UBE4A: variants seen among roughly 807,000 people sequenced by gnomAD.
The protein encoded by UBE4A is ubiquitination factor E4A, also known as ubiquitin conjugation factor E4 A.
A neutral mutation model predicts 117.9 loss-of-function variants in UBE4A; 48 were observed. The ratio of observed to expected loss-of-function variants is 0.41; its 90% CI spans 0.32 to 0.52. The LOEUF is 0.52. Ranked by LOEUF, UBE4A falls within the 20% of genes least tolerant of loss-of-function variation. The probability of loss-of-function intolerance (pLI) is 0.33; values close to 1 mark genes in which losing one functional copy is unlikely to be tolerated. For missense variants in UBE4A, 1,067 were observed against 1,296.3 expected (o/e 0.82, Z 2.72); for synonymous variants, 407 against 450.0 (o/e 0.90, Z 1.21).
intron 16 of UBE4A, among the ~76,000 whole-genome samples, chr11:118,389,140 TTA>T (rs1776252273): frequency 3.9e-5 from 6 of 152,152 alleles, no homozygotes; most frequent in African/African-American, 1.4e-4. Flanking sequence ...TTTAAAAAGA[TTA>T]TGTGAATCAC....
intron 1 of UBE4A, among the ~76,000 whole-genome samples, chr11:118,362,875 G>A (rs1948531358): frequency 6.6e-6 from 1 of 152,158 alleles, no homozygotes; most frequent in Non-Finnish European, 1.5e-5. Context: ...TTTTTAGCCT[G>A]GCCAGACTTG....
At chr11:118,368,569 G>A (rs1273706629) in intron 2 of UBE4A, 62 bp from the exon 3 acceptor site, 1 of 1,505,112 alleles carries the variant, frequency 6.6e-7, no homozygotes, top group Non-Finnish European at 9.1e-7. Context: ...TATTATTTTT[G>A]GTAGCATGCT....
chr11:118,378,307 A>G (rs1948671606), intron 10 of UBE4A, among the ~76,000 whole-genome samples: 1 of 152,170 alleles, frequency 6.6e-6, no homozygotes, highest in African/African-American at 2.4e-5. Flanking sequence ...GATAGAGACA[A>G]AAGTGGCAAA....
intron 16 of UBE4A, among the ~76,000 whole-genome samples, chr11:118,388,650 A>G (rs1348005018): frequency 4.0e-5 from 6 of 148,478 alleles, no homozygotes; most frequent in African/African-American, 1.5e-4. Context: ...CTCTATCTCA[A>G]AAAAAAAAAA....
Position 118,379,469 on chromosome 11 carries a change from T to C in UBE4A, c.1595T>C (p.Ile532Thr). 4 of 1,613,360 alleles carry C rather than the reference T, an allele frequency of 2.5e-6. No homozygotes were observed. In the South Asian group the frequency reaches 4.4e-5, roughly 18 times the overall value. ...FHRLHDQMVK[I>T]NQNLHRLQVA... ...AGGTTGCATGATCAGATGGTAAAAA[T>C]CAACCAAAATCTGCATCGGCTGCAG... Residue 532 changes from isoleucine to threonine, a missense_variant, in exon 11 of 20, where the codon ATC becomes ACC. Transcript: ENST00000252108.
intron 3 of UBE4A, 60 bp from the exon 4 acceptor site, chr11:118,369,363 A>G: frequency 4.1e-6 from 5 of 1,229,374 alleles, no homozygotes; most frequent in Admixed American, 3.6e-5. Flanking sequence ...TGTCAAGATC[A>G]GTTGTCTGTA....
rs1555128835 is a variant in UBE4A at position 118,392,842 on chromosome 11, G to C, written c.3021G>C (p.Leu1007=). The C allele has an allele frequency of 2.5e-6, 4 of 1,613,966 alleles. No individual in the cohort carries two copies. In the African/African-American group the frequency reaches 5.3e-5, roughly 22 times the overall value. Reference sequence around the variant, plus strand: ...CACTGATGTGTGACCCTGTGGTGCTGCCATCTTCCAGAGTCACTGTGGATA... The same window carrying C: ...CACTGATGTGTGACCCTGTGGTGCTCCCATCTTCCAGAGTCACTGTGGATA... ...MSTLMCDPVV[L]PSSRVTVDRS... Residue 1007 remains leucine, a synonymous_variant, in exon 19 of 20, where the codon CTG becomes CTC. Transcript: ENST00000252108.
intron 15 of UBE4A, among the ~76,000 whole-genome samples, chr11:118,386,100 C>T (rs936328320): frequency 2.0e-5 from 3 of 152,066 alleles, no homozygotes; most frequent in Non-Finnish European, 4.4e-5. Context: ...TGTTTTTTCA[C>T]TATAGTGTGG....
At position 118,368,822 on chromosome 11, in the gene UBE4A, A is replaced by G. The variant is rs565508802; in HGVS notation, c.295+18A>G. ...GGACAACAGTGAGTTACAAACTTATAGCATTATTCTACCCTTCCTATTTGA... is the reference window on the plus strand; with the variant it reads ...GGACAACAGTGAGTTACAAACTTATGGCATTATTCTACCCTTCCTATTTGA... On this transcript the variant is annotated intron_variant, in intron 3 of 19. Transcript: ENST00000252108. The G allele has an allele frequency of 1.2e-5, 19 of 1,613,248 alleles. 1 individual carries two copies. The South Asian group carries it at 2.1e-4, about 18-fold the overall frequency.
chr11:118,382,656 C>A lies in UBE4A; in HGVS notation c.2077C>A (p.Gln693Lys), dbSNP rs1948715777. 1 of 1,604,386 alleles carries A rather than the reference C, an allele frequency of 6.2e-7. No homozygotes were observed. The highest frequency in any genetic ancestry group is 8.5e-7 in the Non-Finnish European group (1 of 1,174,378). ...GGAAGCAGTGATGCCCCACCTGGAT[C>A]AGACCCCAAATCCCTTGGTATCCAG... Reference protein sequence around the residue: ...VLEAVMPHLDQTPNPLVSSVF... With the variant: ...VLEAVMPHLDKTPNPLVSSVF... The change falls in exon 13 of 20, where the codon CAG becomes AAG. Residue 693 changes from glutamine (Q) to lysine (K), a missense_variant. Around this residue, in one of 3 missense-constraint regions of UBE4A, gnomAD observed 1,001 missense variants for 1,184.0 expected, o/e 0.85. Transcript: ENST00000252108.
chr11:118,382,708 G>A lies in UBE4A; in HGVS notation c.2129G>A (p.Cys710Tyr). 3.1e-6 allele frequency: 5 copies of A among 1,604,710 alleles called. No homozygotes were observed. The highest frequency in any genetic ancestry group is 3.4e-6 in the Non-Finnish European group (4 of 1,174,718). Reference protein sequence around the residue: ...SSVFHRKRVFCNFQYAPQLAE... With the variant: ...SSVFHRKRVFYNFQYAPQLAE... Reference sequence around the variant, plus strand: ...GTGTTCCACCGGAAACGTGTGTTCTGCAACTTTCAGTATGCACCCCAACTT... The same window carrying A: ...GTGTTCCACCGGAAACGTGTGTTCTACAACTTTCAGTATGCACCCCAACTT... The change falls in exon 13 of 20, where the codon TGC becomes TAC. Residue 710 changes from cysteine to tyrosine, a missense_variant. Physicochemically the swap from Cys to Tyr is radical, Grantham distance 194 (BLOSUM62 -2). This residue lies in a region of UBE4A where 1,001 missense variants were observed against 1,184.0 expected (regional missense o/e 0.85). Transcript: ENST00000252108.
chr11:118,377,810 G>A (rs1948666578), intron 10 of UBE4A, among the ~76,000 whole-genome samples: 1 of 151,596 alleles, frequency 6.6e-6, no homozygotes, highest in Non-Finnish European at 1.5e-5. Flanking sequence ...CTACTCACGA[G>A]GCTGAGGTGG....
Position 118,381,491 on chromosome 11 carries a change from C to T in UBE4A, c.1977C>T (p.His659=), listed in dbSNP as rs1002697592. 3.1e-6 allele frequency: 5 copies of T among 1,614,102 alleles called. No homozygotes were observed. Among genetic ancestry groups the T allele is most frequent in the East Asian group, 2.2e-5 (1 of 44,866 alleles). The change falls in exon 12 of 20, where the codon CAC becomes CAT. Residue 659 remains histidine, a synonymous_variant. Transcript: ENST00000252108. ...TSADSLEHVL[H]FITIFTGSIE... The stretch of plus-strand genomic sequence containing the variant: ...CAGATTCCCTGGAGCATGTCCTTCA[C>T]TTTATCACCATTTTCACTGGAAGCA...
intron 9 of UBE4A, among the ~76,000 whole-genome samples, chr11:118,375,739 C>G (rs1156736434): frequency 6.6e-6 from 1 of 151,988 alleles, no homozygotes; most frequent in African/African-American, 2.4e-5. Context: ...GTGAGACCTT[C>G]TCTCTGGATT....
At chr11:118,365,363 T>C (rs1565528753) in intron 2 of UBE4A, among the ~76,000 whole-genome samples, 162 bp downstream of exon 2, 1 of 152,218 alleles carries the variant, frequency 6.6e-6, no homozygotes, top group Non-Finnish European at 1.5e-5. Context: ...TTTGTTTGTT[T>C]GCTTTTATTG....
chr11:118,395,569 T>C (rs562191299), intron 19 of UBE4A, among the ~76,000 whole-genome samples: 5 of 152,358 alleles, frequency 3.3e-5, no homozygotes, highest in African/African-American at 1.2e-4. Context: ...AACAATCAGC[T>C]GACTAAATCA....
At chr11:118,375,333 G>C (rs60514290) in intron 9 of UBE4A, 104 bp downstream of exon 9, 188,741 of 1,175,466 alleles carry the variant, frequency 0.16, 19,708 homozygotes, top group East Asian at 0.5. Context: ...CTCAAAAAAA[G>C]ATGAGGCAGA....
At position 118,370,342 on chromosome 11, in the gene UBE4A, G is replaced by A. The variant is rs530720131; in HGVS notation, c.408+807G>A. On this transcript the variant is annotated intron_variant, in intron 4 of 19. Coordinates refer to ENST00000252108, the MANE Select transcript of UBE4A (RefSeq NM_001204077.2). Reference sequence around the variant, plus strand: ...TTTGTGTTGCTATAAAAGAATACCTGTGACTAGGCACAGTGGCTCACATCT... The same window carrying A: ...TTTGTGTTGCTATAAAAGAATACCTATGACTAGGCACAGTGGCTCACATCT... Among the ~76,000 whole-genome samples the A allele has an allele frequency of 2.6e-4, 40 of 151,926 alleles. No individual in the cohort carries two copies. The South Asian group carries it at 2.9e-3, about 11-fold the overall frequency.
intron 2 of UBE4A, 132 bp downstream of exon 2, chr11:118,365,333 G>C (rs1042970198): frequency 3.9e-5 from 52 of 1,331,032 alleles, no homozygotes; most frequent in Non-Finnish European, 4.8e-5. Context: ...TTTGTTTGTT[G>C]AGAGCAGAAA....
Sources: gnomAD v4.1 joint callset for allele counts (sites outside exome capture counted in the v4.1 genomes callset) on GRCh38, gnomAD v4.1.1 for gene constraint, gnomAD v4.1.1 regional missense constraint, MANE v1.5 for transcripts, NCBI Gene and HGNC (gene_info 2026-07-23, HGNC 2026-07-21) for gene names.